The following CLVS1 variants were observed in gnomAD, a reference collection of about 807,000 sequenced individuals.
The protein encoded by CLVS1 is clavesin-1.
In CLVS1, 10 loss-of-function variants were observed where a neutral mutation model predicts 33.1. The ratio of observed to expected loss-of-function variants is 0.30; its 90% confidence interval spans 0.19 to 0.51. The LOEUF is 0.51. Among genes scored for constraint, CLVS1 ranks in the 20% least tolerant of loss-of-function variants. CLVS1 has a pLI of 0.97. For missense variants in CLVS1, 343 were observed against 433.4 expected (o/e 0.79, Z 1.85); for synonymous variants, 163 against 166.1 (o/e 0.98, Z 0.14).
chr8:61,439,480 CCTT>C (rs759764831), intron 3 of CLVS1, among the ~76,000 whole-genome samples: 2 of 152,186 alleles, frequency 1.3e-5, no homozygotes, highest in Non-Finnish European at 2.9e-5. Context: ...GCATTTCACT[CCTT>C]CTCTCCTCCC....
intron 1 of CLVS1, 39 bp downstream of exon 1, chr8:61,288,177 G>A (rs1307866368): frequency 2.2e-6 from 1 of 456,276 alleles, no homozygotes; most frequent in Non-Finnish European, 4.4e-6. Flanking sequence ...TATTTGCCGA[G>A]CCTCCCCGCC....
intron 1 of CLVS1, among the ~76,000 whole-genome samples, chr8:61,093,184 A>G (rs1290808021): frequency 6.6e-6 from 1 of 152,122 alleles, no homozygotes; most frequent in Non-Finnish European, 1.5e-5. Context: ...CATCTTTATG[A>G]TGTATACCAA....
At chr8:61,472,854 T>C (rs771391926) in intron 5 of CLVS1, among the ~76,000 whole-genome samples, 1 of 152,102 alleles carries the variant, frequency 6.6e-6, no homozygotes, top group Non-Finnish European at 1.5e-5. Flanking sequence ...TACCTTATTA[T>C]TGTGCTGTGA....
chr8:61,342,217 T>C (rs1485603903), intron 2 of CLVS1, among the ~76,000 whole-genome samples: 1 of 152,142 alleles, frequency 6.6e-6, no homozygotes, highest in Non-Finnish European at 1.5e-5. Flanking sequence ...CAGCCTCCTT[T>C]AGAGGATGAG....
intron 1 of CLVS1, among the ~76,000 whole-genome samples, chr8:61,097,080 G>A (rs1239351990): frequency 1.3e-5 from 2 of 152,118 alleles, no homozygotes; most frequent in East Asian, 1.9e-4. Flanking sequence ...CACAGCATAG[G>A]CTGGGCGTGG....
At chr8:61,277,014 T>A (rs1318903529) in intron 2 of CLVS1, among the ~76,000 whole-genome samples, 1 of 152,248 alleles carries the variant, frequency 6.6e-6, no homozygotes, top group African/African-American at 2.4e-5. Context: ...CTGTTGCTCC[T>A]ACTGGTAAAT....
intron 2 of CLVS1, among the ~76,000 whole-genome samples, chr8:61,246,876 G>A (rs542179673): frequency 1.3e-5 from 2 of 152,080 alleles, no homozygotes; most frequent in East Asian, 3.9e-4. Flanking sequence ...ATGTCATGGG[G>A]GTTTGTTGTA....
chr8:61,107,175 C>T (rs940366140), intron 1 of CLVS1, among the ~76,000 whole-genome samples: 5 of 152,134 alleles, frequency 3.3e-5, no homozygotes, highest in South Asian at 2.1e-4. Flanking sequence ...GATTGGTTTG[C>T]GAATTAGAGA....
At chr8:61,180,721 G>A (rs1027639076) in intron 2 of CLVS1, among the ~76,000 whole-genome samples, 1 of 152,080 alleles carries the variant, frequency 6.6e-6, no homozygotes, top group South Asian at 2.1e-4. Context: ...TCACATAAAC[G>A]AACCAAAGAC....
At chr8:60,991,743 TC>T in the CLVS1 span, among the ~76,000 whole-genome samples, 202 of 126,928 alleles carry the variant, frequency 1.6e-3, no homozygotes, top group African/African-American at 5.9e-3. Context: ...CAAGCCCCAC[TC>T]TTTTTTTTTT....
rs532447271 is a variant in CLVS1 at position 61,323,449 on chromosome 8, G to T, written c.455+23167G>T. Among the ~76,000 whole-genome samples, 15 of 152,254 alleles carry T rather than the reference G, an allele frequency of 9.9e-5. No homozygotes were observed. The South Asian group carries it at 2.9e-3, about 29-fold the overall frequency. Reference sequence around the variant, plus strand: ...AACATTGCAGAGGAACATGTAGGTTGAAAGAAATTGTTGAGTCTTTTATTG... The same window carrying T: ...AACATTGCAGAGGAACATGTAGGTTTAAAGAAATTGTTGAGTCTTTTATTG... On this transcript the variant is annotated intron_variant, in intron 2 of 5. Transcript: ENST00000325897.
At chr8:61,014,256 C>T in the CLVS1 span, among the ~76,000 whole-genome samples, 12 of 152,182 alleles carry the variant, frequency 7.9e-5, no homozygotes, top group East Asian at 1.7e-3. Context: ...TGGTGTGCCA[C>T]GCTGATCAAC....
At chr8:61,049,787 G>A in the CLVS1 span, among the ~76,000 whole-genome samples, 2 of 152,228 alleles carry the variant, frequency 1.3e-5, no homozygotes, top group South Asian at 2.1e-4. Context: ...CATAATGACC[G>A]CCATTACTGG....
At chr8:61,412,804 G>T (rs1488231345) in intron 3 of CLVS1, among the ~76,000 whole-genome samples, 2 of 152,132 alleles carry the variant, frequency 1.3e-5, no homozygotes, top group African/African-American at 4.8e-5. Flanking sequence ...CTTTTTAGAG[G>T]ACCTTGAATG....
intron 2 of CLVS1, among the ~76,000 whole-genome samples, chr8:61,356,173 A>G (rs980873797): frequency 3.9e-4 from 60 of 152,068 alleles, no homozygotes; most frequent in African/African-American, 1.4e-3. Context: ...AGTGATGATG[A>G]GCATTTTTTC....
the CLVS1 span, chr8:60,967,536 TG>T: frequency 2.4e-6 from 1 of 412,692 alleles, no homozygotes; most frequent in Non-Finnish European, 4.9e-6. Flanking sequence ...GGGGACGGCT[TG>T]AGGTGTGGGT....
intron 2 of CLVS1, among the ~76,000 whole-genome samples, chr8:61,191,334 G>T (rs994855799): frequency 3.9e-5 from 6 of 152,276 alleles, no homozygotes; most frequent in Admixed American, 3.3e-4. Flanking sequence ...AGCGCTTCAT[G>T]CTAAAAACTC....
intron 1 of CLVS1, chr8:61,292,117 G>GT (rs5891799): frequency 0.025 from 6,282 of 250,286 alleles, 5 homozygotes; most frequent in Non-Finnish European, 0.036. Context: ...GCAAAGAAAA[G>GT]TTTTTTTTTT....
intron 2 of CLVS1, among the ~76,000 whole-genome samples, chr8:61,232,249 G>T (rs1390578510): frequency 6.6e-6 from 1 of 151,686 alleles, no homozygotes. Context: ...TGTTAGCCAG[G>T]ACGGTCTCGA....
Sources: gnomAD v4.1 joint callset for allele counts (sites outside exome capture counted in the v4.1 genomes callset) on GRCh38, gnomAD v4.1.1 for gene constraint, MANE v1.5 for transcripts, NCBI Gene and HGNC (gene_info 2026-07-23, HGNC 2026-07-21) for gene names.